IQANK1: variants seen among roughly 807,000 people sequenced by gnomAD.
IQANK1 encodes the protein IQ motif and ankyrin repeat domain-containing protein 1.
IQANK1 carries 30 observed loss-of-function variants against 22.6 expected under a neutral mutation model. The ratio of observed to expected loss-of-function variants is 1.33; its 90% confidence interval spans 0.99 to 1.80. IQANK1 has a LOEUF of 1.80. IQANK1 is among the 40% of genes most tolerant of loss of function. The pLI is 0.00. For synonymous variants in IQANK1, 122 were observed against 99.6 expected (o/e 1.23, Z -1.34); for missense variants, 275 against 235.2 (o/e 1.17, Z -1.11).
chr8:143,776,839 C>T lies in IQANK1; in HGVS notation c.789+4357C>T, dbSNP rs1427141814. On this transcript the variant is annotated intron_variant, in intron 7 of 13. Transcript: ENST00000527139. Reference sequence around the variant, plus strand: ...GCTGGGGAAACGGGCTTCTGAGAAGCGTGAAGGAAGCAGTGCCTACTCCCG... The same window carrying T: ...GCTGGGGAAACGGGCTTCTGAGAAGTGTGAAGGAAGCAGTGCCTACTCCCG... Among the ~76,000 whole-genome samples, 38 of 152,004 alleles carry T rather than the reference C, an allele frequency of 2.5e-4. 1 individual carries two copies. The highest frequency in any genetic ancestry group is 2.4e-3 in the Admixed American group (37 of 15,242).
chr8:143,772,282 G>A (rs993899444), intron 6 of IQANK1, 39 bp downstream of exon 6: 21 of 397,940 alleles, frequency 5.3e-5, no homozygotes, highest in Non-Finnish European at 8.4e-5. Context: ...GCTGAGGGGC[G>A]CGGTCCAGGG....
chr8:143,742,717 G>A (rs1024743636), intron 3 of IQANK1: 41 of 455,886 alleles, frequency 9.0e-5, no homozygotes, highest in Non-Finnish European at 1.7e-4. Flanking sequence ...GGGCCTGCCA[G>A]AGGATACACA....
In IQANK1 at chr8:143,790,056, C is replaced by G. The variant is rs527283192; in HGVS notation, c.1281C>G (p.Ala427=). ...AAGATGTAGGCAACCGCATCCGTGC[C>G]GATGGCCGGTCAGTTCTCCGGGCCA... ...LMKDVGNRIR[A]DGRWPLVIDP... Residue 427 remains alanine, a synonymous_variant, in exon 12 of 14, where the codon GCC becomes GCG. Coordinates refer to ENST00000527139, the MANE Select transcript of IQANK1 (RefSeq NM_001381874.1). The G allele has an allele frequency of 3.2e-6, 4 of 1,231,960 alleles. No homozygotes were observed. The African/African-American group carries it at 4.7e-5, about 14-fold the overall frequency. The allele number at this position is 1,231,960 out of a possible 1,614,324, so 76.3% of individuals were successfully genotyped here.
In IQANK1 at chr8:143,771,541, CG is replaced by C; in HGVS notation, c.232del (p.Ala78ProfsTer78). On this transcript the variant is annotated frameshift_variant, in exon 4 of 14. Coordinates refer to ENST00000527139, the MANE Select transcript of IQANK1 (RefSeq NM_001381874.1). LOFTEE classifies it high-confidence loss of function. The surrounding 1 kb of genome is among the most constrained non-coding windows in gnomAD (Gnocchi z 6.0). ...GATCCAGGGCGCCTTCCGGCAGCTC[CG>C]GGCCAGGAGGGAGCTCGCCCGCCGC... ...RAIQGAFRQL[R>X]ARRELARRRE... is the part of the protein sequence containing the mutation. The C allele has an allele frequency of 2.5e-6, 1 of 398,156 alleles. No homozygotes were observed. Among genetic ancestry groups the C allele is most frequent in the Non-Finnish European group, 4.4e-6 (1 of 225,762 alleles). 24.7% of individuals were successfully genotyped at this position (398,156 alleles called of 1,614,324 possible).
chr8:143,776,289 CCGCAG>C (rs763535110), intron 7 of IQANK1, among the ~76,000 whole-genome samples: 5,397 of 146,972 alleles, frequency 0.037, 309 homozygotes, highest in African/African-American at 0.12. Context: ...CCACTGCAGT[CCGCAG>C]TCCGGCCTGG....
intron 3 of IQANK1, among the ~76,000 whole-genome samples, chr8:143,766,139 C>G (rs1819476990): frequency 6.6e-6 from 1 of 152,140 alleles, no homozygotes; most frequent in Non-Finnish European, 1.5e-5. Flanking sequence ...ATTGGATTTC[C>G]CTGGTGACTA....
chr8:143,762,463 T>C (rs993173688), intron 3 of IQANK1, among the ~76,000 whole-genome samples: 4 of 152,218 alleles, frequency 2.6e-5, no homozygotes, highest in African/African-American at 9.6e-5. Context: ...GACATCTCAC[T>C]AGGCAGCCAG....
intron 3 of IQANK1, among the ~76,000 whole-genome samples, chr8:143,748,888 T>TATATAAATATATAAATATATATATC (rs1819109513): frequency 2.7e-5 from 3 of 111,358 alleles, no homozygotes; most frequent in Admixed American, 1.1e-4. Context: ...ATATATATCA[T>TATATAAATATATAAATATATATATC]AAATACTTAA....
chr8:143,739,744 G>A (rs1388778827), intron 2 of IQANK1, 115 bp from the exon 3 acceptor site: 3 of 578,278 alleles, frequency 5.2e-6, no homozygotes, highest in Non-Finnish European at 9.3e-6. Flanking sequence ...GCCCGGGTGG[G>A]GGGCTCCCTG....
At chr8:143,749,171 T>C (rs1436556343) in intron 3 of IQANK1, among the ~76,000 whole-genome samples, 14 of 123,442 alleles carry the variant, frequency 1.1e-4, no homozygotes, top group Non-Finnish European at 2.2e-4. Flanking sequence ...TATATCAATA[T>C]ATATAATATA....
chr8:143,790,109 ACAG>A (rs782341261), intron 12 of IQANK1, 25 bp from the exon 13 acceptor site: 16 of 1,231,980 alleles, frequency 1.3e-5, no homozygotes, highest in Non-Finnish European at 1.6e-5. Context: ...GTTTGGACAG[ACAG>A]CAGTGACCTG....
Position 143,776,823 on chromosome 8 carries a change from A to C in IQANK1, c.789+4341A>C, listed in dbSNP as rs137893705. 7.1e-3 allele frequency among the ~76,000 whole-genome samples: 1,082 copies of C among 152,242 alleles called. 9 individuals carry two copies. Among genetic ancestry groups the C allele is most frequent in the Middle Eastern group, 0.02 (6 of 294 alleles). ...GGGGAAACGGCTCAAGGCTGGGGAA[A>C]CGGGCTTCTGAGAAGCGTGAAGGAA... On this transcript the variant is annotated intron_variant, in intron 7 of 13. Transcript: ENST00000527139.
chr8:143,735,974 C>T lies in IQANK1; in HGVS notation c.85+36C>T. The T allele has an allele frequency of 2.8e-6, 2 of 702,254 alleles. No individual in the cohort carries two copies. Among genetic ancestry groups the T allele is most frequent in the Non-Finnish European group, 5.2e-6 (2 of 384,738 alleles). The allele number at this position is 702,254 out of a possible 1,614,324, so 43.5% of individuals were successfully genotyped here. On this transcript the variant is annotated intron_variant, in intron 2 of 13. Transcript: ENST00000527139. This position sits in a 1 kb window ranked among gnomAD's most constrained non-coding sequence, Gnocchi z 5.2. ...CCTCTGACCTCCAGAGCACTGTCAC[C>T]CAGACACTGACCTGTGAGACCTTCT... is the stretch of plus-strand genomic sequence containing the variant.
intron 3 of IQANK1, chr8:143,742,002 C>T: frequency 4.0e-6 from 1 of 250,166 alleles, no homozygotes; most frequent in Admixed American, 4.7e-5. Flanking sequence ...TGCCCCGGGG[C>T]CTGCTGGCTG....
Position 143,789,261 on chromosome 8 carries a change from G to A in IQANK1, c.993+18G>A. ...ACAAGGAGGTGAGTGTGACCTCAGG[G>A]AGGAGCCAGGAAAGGAGGAGGGAGA... is the stretch of plus-strand genomic sequence containing the variant. On this transcript the variant is annotated intron_variant, in intron 9 of 13. Transcript: ENST00000527139. 1 of 401,006 alleles carries A rather than the reference G, an allele frequency of 2.5e-6. No individual in the cohort carries two copies. Among genetic ancestry groups the A allele is most frequent in the Non-Finnish European group, 4.4e-6 (1 of 227,758 alleles). 24.8% of individuals were successfully genotyped at this position (401,006 alleles called of 1,614,324 possible).
At chr8:143,751,656 G>GTATATATATATATATATATA (rs1430170946) in intron 3 of IQANK1, among the ~76,000 whole-genome samples, 1 of 39,634 alleles carries the variant, frequency 2.5e-5, no homozygotes, top group Non-Finnish European at 9.7e-5. Flanking sequence ...GTGTGTGTGT[G>GTATATATATATATATATATA]TGTGTGTGTA....
Position 143,789,863 on chromosome 8 carries a change from C to G in IQANK1, c.1189C>G (p.Gln397Glu), listed in dbSNP as rs1278923472. 1.6e-6 allele frequency: 2 copies of G among 1,231,946 alleles called. No homozygotes were observed. The highest frequency in any genetic ancestry group is 3.1e-5 in the African/African-American group (2 of 64,418). The allele number at this position is 1,231,946 out of a possible 1,614,324, so 76.3% of individuals were successfully genotyped here. Residue 397 changes from glutamine to glutamate, a missense_variant, in exon 11 of 14, where the codon CAG becomes GAG. Transcript: ENST00000527139. ...CAGGCTGGAGCTTCGGGAGCAGACG[C>G]AGGAGGGTGGGCCTGGCATGGGGCG... Reference protein sequence around the residue: ...MARLELREQTQEGEEEAPGLK... With the variant: ...MARLELREQTEEGEEEAPGLK...
chr8:143,789,077 G>C lies in IQANK1; in HGVS notation c.938+14G>C. On this transcript the variant is annotated intron_variant, in intron 8 of 13. Coordinates refer to ENST00000527139, the MANE Select transcript of IQANK1 (RefSeq NM_001381874.1). ...GCGGTGTGGAAGGCAGGAGGGGTGT[G>C]GGAGGTGCTGGCGAGGGGTGCTGGC... 2.5e-6 allele frequency: 1 copy of C among 401,552 alleles called. No homozygotes were observed. 24.9% of individuals were successfully genotyped at this position (401,552 alleles called of 1,614,324 possible).
intron 3 of IQANK1, among the ~76,000 whole-genome samples, chr8:143,752,042 C>T (rs1587478641): frequency 6.6e-6 from 1 of 152,018 alleles, no homozygotes; most frequent in Non-Finnish European, 1.5e-5. Flanking sequence ...CTTGGCTCAC[C>T]GCAACCTCTG....
Sources: allele counts gnomAD v4.1 joint callset (sites outside exome capture counted in the v4.1 genomes callset), GRCh38; gene constraint gnomAD v4.1.1; non-coding constraint Gnocchi (gnomAD v3.1); transcripts MANE v1.5; gene names NCBI Gene and HGNC (gene_info 2026-07-23, HGNC 2026-07-21).